Variants in AOPEP observed in about 807,000 individuals in gnomAD.
AOPEP encodes the protein aminopeptidase O.
Under a neutral mutation model 98.1 loss-of-function variants are expected in AOPEP, and 77 were observed. That is an observed-to-expected ratio of 0.78 (90% CI 0.65 to 0.95). AOPEP has a LOEUF of 0.95. Ranked by LOEUF, AOPEP falls within the 40% of genes least tolerant of loss-of-function variation. The probability of loss-of-function intolerance (pLI) is 0.00; values close to 1 mark genes in which losing one functional copy is unlikely to be tolerated. For missense variants in AOPEP, 1,024 were observed against 1,024.7 expected, an observed-to-expected ratio of 1.00 and a Z score of 0.01; for synonymous variants, 346 against 365.3, an observed-to-expected ratio of 0.95 and a Z score of 0.60.
intron 11 of AOPEP, among the ~76,000 whole-genome samples, chr9:94,989,535 A>G (rs1286640926): frequency 6.6e-6 from 1 of 151,568 alleles, no homozygotes; most frequent in African/African-American, 2.4e-5. Flanking sequence ...GTGCCTGGCC[A>G]AGAAGCTTCT....
intron 5 of AOPEP, among the ~76,000 whole-genome samples, chr9:94,871,744 C>T (rs1041268365): frequency 3.9e-5 from 6 of 152,138 alleles, no homozygotes; most frequent in South Asian, 2.1e-4. Context: ...TGGTGGTTCA[C>T]GCCTGTAATC....
At chr9:94,945,785 G>A (rs1417479231) in intron 7 of AOPEP, among the ~76,000 whole-genome samples, 1 of 152,060 alleles carries the variant, frequency 6.6e-6, no homozygotes, top group Admixed American at 6.6e-5. Context: ...TGAAGCCAAT[G>A]TTTGTCTCAT....
At chr9:94,957,729 A>G (rs912496209) in intron 9 of AOPEP, among the ~76,000 whole-genome samples, 1 of 152,120 alleles carries the variant, frequency 6.6e-6, no homozygotes, top group African/African-American at 2.4e-5. Context: ...CCCCAGCCCT[A>G]CATAACCACT....
At chr9:95,007,850 A>G (rs1564515351) in intron 13 of AOPEP, among the ~76,000 whole-genome samples, 1 of 152,206 alleles carries the variant, frequency 6.6e-6, no homozygotes, top group African/African-American at 2.4e-5. Context: ...CTTTGTGATC[A>G]TGTGTATTCA....
intron 13 of AOPEP, among the ~76,000 whole-genome samples, chr9:95,030,893 A>T (rs1474463920): frequency 6.6e-6 from 1 of 152,268 alleles, no homozygotes; most frequent in Non-Finnish European, 1.5e-5. Context: ...TCTAAGAAAC[A>T]TGCAGTTACA....
At chr9:95,020,135 G>T (rs1369414426) in intron 13 of AOPEP, 1 of 152,252 alleles carries the variant, frequency 6.6e-6, no homozygotes, top group East Asian at 1.9e-4. Context: ...CTGCATGCTG[G>T]CCTGGAACTA....
rs567254345 is a variant in AOPEP, at chr9:94,812,127, G to A, written c.1364+11125G>A. Among the ~76,000 whole-genome samples, 4 of 152,302 alleles carry A rather than the reference G, an allele frequency of 2.6e-5. No individual in the cohort carries two copies. The South Asian group carries it at 8.3e-4, about 32-fold the overall frequency. On this transcript the variant is annotated intron_variant, in intron 5 of 16. Transcript: ENST00000375315. ...CCTGTACTATGTTTCTAAAGGTAGA[G>A]ATGAGGGAAAGGGTGCTTGTTCTTA...
chr9:94,809,188 T>A (rs967295400), intron 5 of AOPEP, among the ~76,000 whole-genome samples: 1 of 152,220 alleles, frequency 6.6e-6, no homozygotes, highest in Admixed American at 6.5e-5. Context: ...ATGTTAATAA[T>A]GTGGGAAAAG....
At chr9:94,763,798 CAT>C (rs1838932941) in intron 2 of AOPEP, among the ~76,000 whole-genome samples, 1 of 152,224 alleles carries the variant, frequency 6.6e-6, no homozygotes, top group East Asian at 1.9e-4. Context: ...AGCAACAAAA[CAT>C]ATCAAGTAGT....
intron 12 of AOPEP, 84 bp from the exon 13 acceptor site, chr9:95,005,458 C>T (rs1340123550): frequency 7.5e-6 from 10 of 1,337,374 alleles, no homozygotes; most frequent in Non-Finnish European, 1.1e-5. Context: ...GTCGCGAGGC[C>T]GGGGGTCTCT....
At chr9:95,040,258 C>T (rs894795881) in intron 13 of AOPEP, among the ~76,000 whole-genome samples, 3 of 152,232 alleles carry the variant, frequency 2.0e-5, no homozygotes, top group Non-Finnish European at 4.4e-5. Flanking sequence ...CTTTGCTTTC[C>T]CATCCTCTGT....
At chr9:95,140,703 T>G in the AOPEP span, among the ~76,000 whole-genome samples, 24 of 152,110 alleles carry the variant, frequency 1.6e-4, no homozygotes, top group African/African-American at 5.8e-4. Flanking sequence ...CTCACAAAAC[T>G]TGGATTTAAC....
intron 5 of AOPEP, among the ~76,000 whole-genome samples, chr9:94,835,627 A>G (rs1374681758): frequency 6.6e-6 from 1 of 152,224 alleles, no homozygotes; most frequent in Non-Finnish European, 1.5e-5. Context: ...ACTCCTGTTT[A>G]TGTTGAAATC....
chr9:94,960,792 C>T (rs994287188), intron 9 of AOPEP, among the ~76,000 whole-genome samples: 4 of 152,092 alleles, frequency 2.6e-5, no homozygotes, highest in Admixed American at 6.5e-5. Flanking sequence ...GTGGGCAGAT[C>T]ACGAGGTCAG....
chr9:95,107,514 CT>C, the AOPEP span: 6 of 582,570 alleles, frequency 1.0e-5, no homozygotes, highest in East Asian at 5.7e-5. Context: ...AGGAACTGAC[CT>C]TTTTTTGTAT....
At chr9:94,794,789 ACAAAAC>A (rs530595943) in intron 4 of AOPEP, among the ~76,000 whole-genome samples, 33,296 of 152,174 alleles carry the variant, frequency 0.22, 5,134 homozygotes, top group African/African-American at 0.43. Context: ...TTCCTGCAGT[ACAAAAC>A]AGAGCCTACA....
At chr9:95,051,282 G>A (rs544718416) in intron 13 of AOPEP, among the ~76,000 whole-genome samples, 160 of 151,806 alleles carry the variant, frequency 1.1e-3, no homozygotes, top group African/African-American at 3.7e-3. Context: ...TAGAGATGGC[G>A]TTTCACCATG....
chr9:94,823,891 C>T (rs1293657529), intron 5 of AOPEP, among the ~76,000 whole-genome samples: 3 of 152,108 alleles, frequency 2.0e-5, no homozygotes, highest in Admixed American at 1.3e-4. Flanking sequence ...GTGAAAACAC[C>T]ATCTATGAAA....
chr9:94,908,524 G>T (rs2051513316), intron 5 of AOPEP, among the ~76,000 whole-genome samples: 1 of 152,202 alleles, frequency 6.6e-6, no homozygotes, highest in South Asian at 2.1e-4. Context: ...GATGTTTGCT[G>T]CGTGCCAGGT....
Sources: gnomAD v4.1 joint callset for allele counts (sites outside exome capture counted in the v4.1 genomes callset) on GRCh38, gnomAD v4.1.1 for gene constraint, MANE v1.5 for transcripts, NCBI Gene and HGNC (gene_info 2026-07-23, HGNC 2026-07-21) for gene names.